Variants in PTPRD observed in about 807,000 individuals in gnomAD.
The protein encoded by PTPRD is receptor-type tyrosine-protein phosphatase delta.
A neutral mutation model predicts 214.5 loss-of-function variants in PTPRD; 34 were observed. The observed-to-expected ratio is 0.16, with a 90% CI of 0.12 to 0.21. PTPRD has a LOEUF of 0.21. Among genes scored for constraint, PTPRD ranks in the 10% least tolerant of loss-of-function variants. The pLI, the probability that PTPRD is intolerant of heterozygous loss-of-function variation, is 1.00. For synonymous variants in PTPRD, 1,128 were observed against 845.7 expected, an observed-to-expected ratio of 1.33 and a Z score of -5.79; for missense variants, 2,545 against 2,398.7, an observed-to-expected ratio of 1.06 and a Z score of -1.27.
At chr9:8,937,154 A>G (rs1183785803) in intron 11 of PTPRD, among the ~76,000 whole-genome samples, 1 of 152,166 alleles carries the variant, frequency 6.6e-6, no homozygotes, top group Non-Finnish European at 1.5e-5. Context: ...GTGTTGAGTA[A>G]CGTTTTCTTA....
chr9:10,338,817 A>T (rs2154442114), intron 3 of PTPRD, among the ~76,000 whole-genome samples: 1 of 151,890 alleles, frequency 6.6e-6, no homozygotes, highest in East Asian at 1.9e-4. Flanking sequence ...TCTCTAAGAA[A>T]GTGAGGAGAG....
At chr9:8,543,491 G>T (rs1256656890) in intron 14 of PTPRD, among the ~76,000 whole-genome samples, 1 of 152,152 alleles carries the variant, frequency 6.6e-6, no homozygotes, top group Non-Finnish European at 1.5e-5. Context: ...AAGGAAGGAA[G>T]AATGTGTATT....
intron 3 of PTPRD, among the ~76,000 whole-genome samples, chr9:10,313,284 A>G (rs1451262256): frequency 1.3e-5 from 2 of 151,832 alleles, no homozygotes; most frequent in South Asian, 4.1e-4. Context: ...TGCACTATTC[A>G]TATAGGTTGC....
chr9:9,424,466 G>C (rs10739192), intron 8 of PTPRD, among the ~76,000 whole-genome samples: 1 of 152,042 alleles, frequency 6.6e-6, no homozygotes, highest in Non-Finnish European at 1.5e-5. Context: ...TAGTTCACTG[G>C]GGTGAAGTGG....
intron 3 of PTPRD, among the ~76,000 whole-genome samples, chr9:10,284,274 T>C (rs1334401338): frequency 6.6e-6 from 1 of 152,126 alleles, no homozygotes; most frequent in Non-Finnish European, 1.5e-5. Flanking sequence ...TGCAAATGGT[T>C]CTTAGCCTTA....
chr9:9,274,514 A>C (rs1237795248), intron 9 of PTPRD, among the ~76,000 whole-genome samples: 2 of 151,246 alleles, frequency 1.3e-5, no homozygotes, highest in Non-Finnish European at 3.0e-5. Flanking sequence ...CTCATTTATC[A>C]GGGGCCCTTA....
chr9:10,153,653 A>G (rs1030038547), intron 3 of PTPRD, among the ~76,000 whole-genome samples: 22 of 152,068 alleles, frequency 1.4e-4, no homozygotes, highest in African/African-American at 4.8e-4. Flanking sequence ...TATTAAGCCT[A>G]GTATTCATTA....
chr9:9,414,063 T>A (rs1374394209), intron 8 of PTPRD, among the ~76,000 whole-genome samples: 1 of 152,232 alleles, frequency 6.6e-6, no homozygotes, highest in Non-Finnish European at 1.5e-5. Context: ...CACCTCCTAT[T>A]ATTTAAAACA....
rs148703948 is a variant in PTPRD at position 10,468,352 on chromosome 9, G to C, written c.-599-127335C>G. On this transcript the variant is annotated intron_variant, in intron 2 of 45. Transcript: ENST00000381196. ...AGGATGAGTTCATGTCCTTTGCAGA[G>C]ACACAGATCAAGCTGGAAACCATCA... 2.8e-3 allele frequency among the ~76,000 whole-genome samples: 424 copies of C among 152,220 alleles called. 2 individuals are homozygous for C. The highest frequency in any genetic ancestry group is 9.6e-3 in the African/African-American group (400 of 41,550).
intron 3 of PTPRD, among the ~76,000 whole-genome samples, chr9:10,202,965 C>G (rs938067597): frequency 6.6e-6 from 1 of 151,720 alleles, no homozygotes; most frequent in Non-Finnish European, 1.5e-5. Context: ...GAAATAATTT[C>G]TGTCATTTAA....
At chr9:9,620,915 T>G (rs1233366435) in intron 7 of PTPRD, among the ~76,000 whole-genome samples, 2 of 151,518 alleles carry the variant, frequency 1.3e-5, no homozygotes, top group Non-Finnish European at 2.9e-5. Flanking sequence ...AATGATATGG[T>G]ACTTGGCCAA....
intron 5 of PTPRD, among the ~76,000 whole-genome samples, chr9:9,809,546 G>A (rs111684477): frequency 2.6e-5 from 4 of 152,294 alleles, no homozygotes; most frequent in African/African-American, 7.2e-5. Flanking sequence ...TTACAGGCGT[G>A]AGCCACTGCT....
At chr9:9,828,287 A>G (rs2053638319) in intron 5 of PTPRD, among the ~76,000 whole-genome samples, 1 of 152,212 alleles carries the variant, frequency 6.6e-6, no homozygotes, top group African/African-American at 2.4e-5. Flanking sequence ...GGATTAAGAA[A>G]ATGTGGCACA....
rs771188488 is a variant in PTPRD at position 9,345,643 on chromosome 9, G to A, written c.-203+51806C>T. ...CCCATATGGCTAGATTAGCATTGAG[G>A]CTAAAATAATCATGAATTCTGAAGG... On this transcript the variant is annotated intron_variant, in intron 9 of 45. Coordinates refer to ENST00000381196, the MANE Select transcript of PTPRD (RefSeq NM_002839.4). Among the ~76,000 whole-genome samples, 133 of 151,998 alleles carry A rather than the reference G, an allele frequency of 8.8e-4. 2 individuals are homozygous for A. The highest frequency in any genetic ancestry group is 3.9e-4 in the Admixed American group (6 of 15,226).
chr9:9,323,360 C>T (rs148405055), intron 9 of PTPRD, among the ~76,000 whole-genome samples: 1 of 152,058 alleles, frequency 6.6e-6, no homozygotes, highest in African/African-American at 2.4e-5. Flanking sequence ...TATTCTTGAA[C>T]CAACCATGAG....
chr9:9,341,323 G>T (rs186668974), intron 9 of PTPRD, among the ~76,000 whole-genome samples: 3 of 152,186 alleles, frequency 2.0e-5, no homozygotes, highest in Admixed American at 1.3e-4. Flanking sequence ...GGCTCTGAAA[G>T]AAATCCTTTG....
chr9:10,074,129 A>G (rs2098087735), intron 3 of PTPRD, among the ~76,000 whole-genome samples: 1 of 152,100 alleles, frequency 6.6e-6, no homozygotes, highest in Middle Eastern at 3.2e-3. Context: ...CAGTTATTCA[A>G]ATGGCCTACT....
chr9:9,428,271 G>A (rs1018195447), intron 8 of PTPRD, among the ~76,000 whole-genome samples: 1 of 151,944 alleles, frequency 6.6e-6, no homozygotes, highest in Non-Finnish European at 1.5e-5. Flanking sequence ...CCTAATCTCT[G>A]ATAAAACAGA....
Position 8,833,711 on chromosome 9 carries a change from TATATAC to T in PTPRD, c.-103-99771_-103-99766del, listed in dbSNP as rs1351171944. Among the ~76,000 whole-genome samples the T allele has an allele frequency of 9.9e-3, 1,363 of 137,464 alleles. 19 individuals carry two copies. Among genetic ancestry groups the T allele is most frequent in the African/African-American group, 0.031 (1,162 of 37,034 alleles). The allele number at this position is 137,464 out of a possible 152,430, so 90.2% of individuals were successfully genotyped here. A position where few individuals can be genotyped will look rare whatever the true frequency, so the allele number is the denominator to read the frequency against. ...TCCTCTCTCTCTCTCTATATATATA[TATATAC>T]ACACACACACACACACACACACACA... On this transcript the variant is annotated intron_variant, in intron 11 of 45. Transcript: ENST00000381196.
Sources: gnomAD v4.1 joint callset for allele counts (sites outside exome capture counted in the v4.1 genomes callset) on GRCh38, gnomAD v4.1.1 for gene constraint, MANE v1.5 for transcripts, NCBI Gene and HGNC (gene_info 2026-07-23, HGNC 2026-07-21) for gene names.